The following CNTLN variants were observed in gnomAD, a reference collection of about 807,000 sequenced individuals.
CNTLN encodes centlein, centrosomal protein.
In CNTLN, 212 loss-of-function variants were observed where a neutral mutation model predicts 180.0. The observed-to-expected ratio is 1.18, with a 90% CI of 1.05 to 1.32. The LOEUF is 1.32. CNTLN is among the 40% of genes most tolerant of loss of function. CNTLN has a pLI of 0.00. For missense variants in CNTLN, 2,095 were observed against 1,610.9 expected, an observed-to-expected ratio of 1.30 and a Z score of -5.14; for synonymous variants, 722 against 563.1, an observed-to-expected ratio of 1.28 and a Z score of -3.99.
At chr9:17,408,716 G>A (rs1181713847) in intron 15 of CNTLN, among the ~76,000 whole-genome samples, 2 of 151,866 alleles carry the variant, frequency 1.3e-5, no homozygotes, top group South Asian at 2.1e-4. Flanking sequence ...CAGGAGAATG[G>A]CATGAACCTG....
In CNTLN at chr9:17,143,148, A is replaced by G; in HGVS notation, c.361-140A>G. ...ACTTTTTAAAATAAAGTTTTACCCC[A>G]TTCCTTTAAAGAGAATCAGTTGATG... is the stretch of plus-strand genomic sequence containing the variant. On this transcript the variant is annotated intron_variant, in intron 1 of 25. Transcript: ENST00000380647. 5.3e-6 allele frequency: 3 copies of G among 568,040 alleles called. No homozygotes were observed. The South Asian group carries it at 6.7e-5, about 13-fold the overall frequency. 35.2% of individuals were successfully genotyped at this position (568,040 alleles called of 1,614,324 possible). A position where few individuals can be genotyped will look rare whatever the true frequency, so the allele number is the denominator to read the frequency against.
chr9:17,398,181 A>G (rs1826682830), intron 15 of CNTLN, among the ~76,000 whole-genome samples: 1 of 152,206 alleles, frequency 6.6e-6, no homozygotes, highest in Non-Finnish European at 1.5e-5. Context: ...GAAGAAAAAT[A>G]GAATTTCAGT....
chr9:17,289,842 C>G (rs1442941989), intron 6 of CNTLN, among the ~76,000 whole-genome samples: 1 of 137,414 alleles, frequency 7.3e-6, no homozygotes, highest in Non-Finnish European at 1.5e-5. Context: ...GTTCTCGAGC[C>G]TTGGTTTTCA....
At chr9:17,396,460 A>G (rs1267912989) in intron 15 of CNTLN, among the ~76,000 whole-genome samples, 2 of 152,168 alleles carry the variant, frequency 1.3e-5, no homozygotes, top group Non-Finnish European at 2.9e-5. Context: ...CCAATTTGCC[A>G]TAATTTTAAA....
At chr9:17,228,066 A>T (rs1156699780) in intron 3 of CNTLN, among the ~76,000 whole-genome samples, 1 of 152,028 alleles carries the variant, frequency 6.6e-6, no homozygotes, top group African/African-American at 2.4e-5. Flanking sequence ...ATGTAGATAC[A>T]AGTTTAGCGG....
chr9:17,307,600 AAAGGT>A (rs2132891780), intron 7 of CNTLN, among the ~76,000 whole-genome samples: 1 of 152,262 alleles, frequency 6.6e-6, no homozygotes, highest in Non-Finnish European at 1.5e-5. Context: ...ATAAAAGATA[AAAGGT>A]ATATTGAGCT....
At chr9:17,484,591 T>G in intron 24 of CNTLN, 111 bp downstream of exon 24, 1 of 871,068 alleles carries the variant, frequency 1.1e-6, no homozygotes, top group Non-Finnish European at 1.7e-6. Flanking sequence ...AGAGTGTTAA[T>G]GATGGTAAGA....
intron 2 of CNTLN, among the ~76,000 whole-genome samples, chr9:17,218,878 T>A (rs970222127): frequency 2.0e-5 from 3 of 152,142 alleles, no homozygotes; most frequent in Non-Finnish European, 2.9e-5. Flanking sequence ...CCAGAAAATA[T>A]GATCCTGTTG....
chr9:17,228,997 C>T (rs1411797719), intron 3 of CNTLN, among the ~76,000 whole-genome samples: 1 of 151,980 alleles, frequency 6.6e-6, no homozygotes, highest in African/African-American at 2.4e-5. Context: ...AAGCATGAAT[C>T]TGATGAAGGA....
chr9:17,485,362 A>G (rs538759017), intron 24 of CNTLN, among the ~76,000 whole-genome samples: 1 of 152,240 alleles, frequency 6.6e-6, no homozygotes, highest in East Asian at 1.9e-4. Flanking sequence ...TTGAACTACC[A>G]AGAATCCTCA....
At chr9:17,217,184 A>G (rs887258248) in intron 2 of CNTLN, among the ~76,000 whole-genome samples, 1 of 152,262 alleles carries the variant, frequency 6.6e-6, no homozygotes, top group Admixed American at 6.5e-5. Flanking sequence ...TATAGTAAGG[A>G]ATAGTTACTT....
chr9:17,273,756 A>C lies in CNTLN; in HGVS notation c.873A>C (p.Glu291Asp), dbSNP rs3808794. ...KIKTFEDNLI[E>D]ARKEVEVSQS... ...AGACCTTTGAAGACAATTTAATTGA[A>C]GCAAGGAAAGAAGTTGAAGTATCAC... Residue 291 changes from glutamate to aspartate, a missense_variant, in exon 6 of 26, where the codon GAA becomes GAC. Physicochemically the swap from Glu to Asp is conservative, Grantham distance 45. Coordinates refer to ENST00000380647, the MANE Select transcript of CNTLN (RefSeq NM_017738.4). The C allele has an allele frequency of 0.018, 28,141 of 1,536,608 alleles. 1,952 individuals carry two copies. In the East Asian group the frequency reaches 0.27, roughly 15 times the overall value.
chr9:17,298,391 G>A lies in CNTLN; in HGVS notation c.1146+39G>A, dbSNP rs148095623. ...CTGTAATAAAGATGTAAATGTTTAT[G>A]TATGAACTTATGAACATATATAGAA... On this transcript the variant is annotated intron_variant, in intron 7 of 25. Transcript: ENST00000380647. 9.1e-4 allele frequency: 1,369 copies of A among 1,510,978 alleles called. 10 individuals are homozygous for A. The African/African-American group carries it at 0.016, about 18-fold the overall frequency. 93.6% of individuals were successfully genotyped at this position (1,510,978 alleles called of 1,614,324 possible).
intron 18 of CNTLN, among the ~76,000 whole-genome samples, chr9:17,438,144 T>C (rs1314940975): frequency 6.6e-6 from 1 of 152,140 alleles, no homozygotes; most frequent in Non-Finnish European, 1.5e-5. Context: ...CCAATTAAAT[T>C]TGAATATCTA....
At chr9:17,488,589 G>A (rs1832997756) in intron 25 of CNTLN, among the ~76,000 whole-genome samples, 1 of 152,008 alleles carries the variant, frequency 6.6e-6, no homozygotes, top group Non-Finnish European at 1.5e-5. Flanking sequence ...TACTAAAACT[G>A]TACTGACACT....
At chr9:17,317,830 G>C (rs1425961420) in intron 8 of CNTLN, among the ~76,000 whole-genome samples, 1 of 152,104 alleles carries the variant, frequency 6.6e-6, no homozygotes, top group Non-Finnish European at 1.5e-5. Flanking sequence ...TATGGGGAGA[G>C]GAGTGAAACA....
At chr9:17,192,077 A>C (rs775531633) in intron 2 of CNTLN, among the ~76,000 whole-genome samples, 1 of 152,192 alleles carries the variant, frequency 6.6e-6, no homozygotes, top group African/African-American at 2.4e-5. Flanking sequence ...ATATACTATC[A>C]TAAGTATACA....
Position 17,466,692 on chromosome 9 carries a change from C to G in CNTLN, c.3670-14C>G. 1 of 1,598,704 alleles carries G rather than the reference C, an allele frequency of 6.3e-7. No homozygotes were observed. The highest frequency in any genetic ancestry group is 8.5e-7 in the Non-Finnish European group (1 of 1,171,958). ...TAAAATATCTTTTATTTTATGACTG[C>G]TGATCTTTTGCAGGATCTCAAGCTT... On this transcript the variant is annotated splice_polypyrimidine_tract_variant and intron_variant, in intron 22 of 25. Coordinates refer to ENST00000380647, the MANE Select transcript of CNTLN (RefSeq NM_017738.4).
At position 17,473,934 on chromosome 9, in the gene CNTLN, T is replaced by C. The variant is rs77579680; in HGVS notation, c.3855+7043T>C. 2.9e-3 allele frequency among the ~76,000 whole-genome samples: 449 copies of C among 152,316 alleles called. 3 individuals carry two copies. Among genetic ancestry groups the C allele is most frequent in the Admixed American group, 4.3e-3 (66 of 15,308 alleles). On this transcript the variant is annotated intron_variant, in intron 23 of 25. Coordinates refer to ENST00000380647, the MANE Select transcript of CNTLN (RefSeq NM_017738.4). ...TTGAAGCACTTTTTTAAAGCCTTCC[T>C]TATGATGTACTACACTGTATTGGTT... is the stretch of plus-strand genomic sequence containing the variant.
Sources: gnomAD v4.1 joint callset for allele counts (sites outside exome capture counted in the v4.1 genomes callset) on GRCh38, gnomAD v4.1.1 for gene constraint, MANE v1.5 for transcripts, NCBI Gene and HGNC (gene_info 2026-07-23, HGNC 2026-07-21) for gene names.